The following C9orf85 variants were observed in gnomAD, a reference collection of about 807,000 sequenced individuals.
The protein encoded by C9orf85 is uncharacterized protein C9orf85.
C9orf85 carries 16 observed loss-of-function variants against 14.9 expected under a neutral mutation model. That is an observed-to-expected ratio of 1.08 (90% CI 0.73 to 1.63). The LOEUF is 1.63. C9orf85 is among the 40% of genes most tolerant of loss of function. The probability of loss-of-function intolerance (pLI) is 0.00; values close to 1 mark genes in which losing one functional copy is unlikely to be tolerated. For missense variants in C9orf85, 172 were observed against 186.1 expected (o/e 0.92, Z 0.44); for synonymous variants, 45 against 56.8 (o/e 0.79, Z 0.93).
At chr9:71,951,023 C>A (rs1822231327) in intron 2 of C9orf85, among the ~76,000 whole-genome samples, 1 of 152,160 alleles carries the variant, frequency 6.6e-6, no homozygotes, top group Non-Finnish European at 1.5e-5. Context: ...GACCTATAAA[C>A]TCTTCAGACT....
chr9:71,915,221 G>A (rs544802357), intron 1 of C9orf85, among the ~76,000 whole-genome samples: 8 of 147,082 alleles, frequency 5.4e-5, no homozygotes, highest in South Asian at 2.1e-4. Flanking sequence ...TCGCTCTCTC[G>A]CCCAGGCTGG....
At chr9:71,954,717 C>A (rs1228204582) in intron 2 of C9orf85, among the ~76,000 whole-genome samples, 1 of 152,094 alleles carries the variant, frequency 6.6e-6, no homozygotes, top group Admixed American at 6.6e-5. Context: ...TTTACTGCAA[C>A]CTGTTTTATC....
At chr9:71,979,813 A>G in intron 3 of C9orf85, among the ~76,000 whole-genome samples, 1 of 152,206 alleles carries the variant, frequency 6.6e-6, no homozygotes. Context: ...GATATTTTAA[A>G]ATTACAAAAT....
chr9:71,912,921 G>C (rs960938777), intron 1 of C9orf85, among the ~76,000 whole-genome samples: 2 of 152,038 alleles, frequency 1.3e-5, no homozygotes, highest in African/African-American at 4.8e-5. Context: ...TCTTTGCTGT[G>C]AATCTCTCTC....
At chr9:71,980,941 A>C (rs1823086146) in intron 3 of C9orf85, among the ~76,000 whole-genome samples, 1 of 152,206 alleles carries the variant, frequency 6.6e-6, no homozygotes, top group Non-Finnish European at 1.5e-5. Flanking sequence ...TTTCTTGGTC[A>C]TGGTAATAGT....
chr9:71,943,402 C>T (rs1358196121), intron 1 of C9orf85, among the ~76,000 whole-genome samples: 1 of 151,972 alleles, frequency 6.6e-6, no homozygotes, highest in African/African-American at 2.4e-5. Flanking sequence ...TTTCAACTAC[C>T]GTAGTATCTT....
At chr9:71,984,594 G>A (rs1589280501), downstream of C9orf85, 1 of 152,504 alleles carries the variant, frequency 6.6e-6, no homozygotes, top group Non-Finnish European at 1.5e-5. Context: ...CAAGCTGCCA[G>A]GGTAGTGTGT....
intron 1 of C9orf85, among the ~76,000 whole-genome samples, chr9:71,921,093 TG>T (rs1331710354): frequency 1.3e-5 from 2 of 152,190 alleles, no homozygotes; most frequent in Non-Finnish European, 2.9e-5. Flanking sequence ...ACTTCCAACC[TG>T]ACTCTAGTGT....
intron 2 of C9orf85, among the ~76,000 whole-genome samples, chr9:71,957,742 C>T (rs1822416302): frequency 2.0e-5 from 3 of 152,164 alleles, no homozygotes; most frequent in Admixed American, 1.3e-4. Context: ...CCCCATTCCT[C>T]ATAAACACGG....
At chr9:71,954,451 G>T (rs897495238) in intron 2 of C9orf85, among the ~76,000 whole-genome samples, 22 of 152,284 alleles carry the variant, frequency 1.4e-4, no homozygotes, top group South Asian at 4.1e-4. Flanking sequence ...GAAAGTAGAA[G>T]AATAAAAGAA....
chr9:71,922,348 C>G (rs1827832794), intron 1 of C9orf85, among the ~76,000 whole-genome samples: 1 of 152,170 alleles, frequency 6.6e-6, no homozygotes, highest in African/African-American at 2.4e-5. Context: ...AATGCTCCCT[C>G]CCCTAATGCT....
chr9:71,977,674 C>T (rs934422027), downstream of C9orf85, among the ~76,000 whole-genome samples: 5 of 152,176 alleles, frequency 3.3e-5, no homozygotes, highest in African/African-American at 1.2e-4. Flanking sequence ...CCTTTTACCC[C>T]TCTTTCTAGG....
intron 1 of C9orf85, chr9:71,912,110 G>T (rs1464739594): frequency 2.4e-5 from 11 of 451,574 alleles, no homozygotes; most frequent in Admixed American, 6.5e-5. Flanking sequence ...AGATGGGGCA[G>T]TTACGTCGTT....
At chr9:71,913,665 C>T (rs180746269) in intron 1 of C9orf85, among the ~76,000 whole-genome samples, 1 of 152,138 alleles carries the variant, frequency 6.6e-6, no homozygotes, top group Non-Finnish European at 1.5e-5. Flanking sequence ...TGTATTCTTA[C>T]CCTAAGGTTG....
chr9:71,920,955 G>A lies in C9orf85; in HGVS notation c.102+9119G>A, dbSNP rs796105803. On this transcript the variant is annotated intron_variant, in intron 1 of 3. Transcript: ENST00000334731. ...ATTAATTCAGGCCATGATGGGAAGT[G>A]GGGAACAGGTCAAGACATGCCTCAT... Among the ~76,000 whole-genome samples the A allele has an allele frequency of 3.9e-5, 6 of 152,194 alleles. 1 individual carries two copies. The highest frequency in any genetic ancestry group is 1.4e-4 in the African/African-American group (6 of 41,524).
downstream of C9orf85, among the ~76,000 whole-genome samples, chr9:71,974,282 T>G (rs1822963347): frequency 6.7e-6 from 1 of 150,088 alleles, no homozygotes; most frequent in Non-Finnish European, 1.5e-5. Context: ...TCTCGCTCTG[T>G]TGCCCAGGTA....
At chr9:71,912,170 A>G (rs575558833) in intron 1 of C9orf85, among the ~76,000 whole-genome samples, 1 of 152,036 alleles carries the variant, frequency 6.6e-6, no homozygotes, top group African/African-American at 2.4e-5. Flanking sequence ...GGATTGTGGC[A>G]TGAGTGGCTT....
chr9:71,945,862 T>C (rs991810196), intron 1 of C9orf85, among the ~76,000 whole-genome samples: 12 of 149,424 alleles, frequency 8.0e-5, no homozygotes, highest in African/African-American at 2.9e-4. Flanking sequence ...ATTCCAACAA[T>C]AGGCAAAGAC....
At chr9:71,950,371 T>C (rs1204708302) in intron 2 of C9orf85, among the ~76,000 whole-genome samples, 1 of 2,582 alleles carries the variant, frequency 3.9e-4, no homozygotes, top group East Asian at 0.028. Flanking sequence ...ATACCTTTTG[T>C]CTTTGTTTTT....
Sources: allele counts gnomAD v4.1 joint callset (sites outside exome capture counted in the v4.1 genomes callset), GRCh38; gene constraint gnomAD v4.1.1; transcripts MANE v1.5; gene names NCBI Gene and HGNC (gene_info 2026-07-23, HGNC 2026-07-21).